Variants in METTL2A observed in about 807,000 individuals in gnomAD.
The protein encoded by METTL2A is methyltransferase 2A, tRNA N3-cytidine, also known as tRNA N(3)-cytidine methyltransferase METTL2A.
A neutral mutation model predicts 49.4 loss-of-function variants in METTL2A; 45 were observed. That is an observed-to-expected ratio of 0.91 (90% CI 0.72 to 1.17). METTL2A has a LOEUF of 1.17. Ranked by LOEUF, METTL2A falls within the 50% of genes most tolerant of loss-of-function variation. The pLI, the probability that METTL2A is intolerant of heterozygous loss-of-function variation, is 0.00. For synonymous variants in METTL2A, 118 were observed against 167.5 expected (o/e 0.70, Z 2.28); for missense variants, 361 against 462.2 (o/e 0.78, Z 2.01).
At chr17:62,436,178 G>A (rs1598033189) in intron 5 of METTL2A, among the ~76,000 whole-genome samples, 1 of 152,204 alleles carries the variant, frequency 6.6e-6, no homozygotes, top group African/African-American at 2.4e-5. Context: ...AGGAGGTGGA[G>A]GTTGCAGTGA....
chr17:62,424,509 G>GT (rs1190305956), intron 2 of METTL2A, among the ~76,000 whole-genome samples, 199 bp downstream of exon 2: 5 of 152,200 alleles, frequency 3.3e-5, no homozygotes, highest in South Asian at 2.1e-4. Context: ...GTCGTAGAGG[G>GT]TTTTTTTATA....
At position 62,452,150 on chromosome 17, in the gene METTL2A, C is replaced by CT; in HGVS notation, c.*3425dup. The stretch of plus-strand genomic sequence containing the variant: ...TCCTTCAGTCTACGGGTTAGGCTTG[C>CT]TTTTGCACCTTTGCATTTTAAGGTA... On this transcript the variant is annotated 3_prime_UTR_variant, in exon 9 of 9. Coordinates refer to ENST00000311506, the MANE Select transcript of METTL2A (RefSeq NM_181725.4). Among the ~76,000 whole-genome samples the CT allele has an allele frequency of 6.6e-6, 1 of 152,326 alleles. No homozygotes were observed. The highest frequency in any genetic ancestry group is 3.4e-3 in the Middle Eastern group (1 of 294).
At chr17:62,427,720 T>C (rs2070637459) in intron 3 of METTL2A, 68 bp from the exon 4 acceptor site, 1 of 1,607,748 alleles carries the variant, frequency 6.2e-7, no homozygotes, top group South Asian at 1.1e-5. Context: ...ATTATTTTTC[T>C]AGCTTTTCTA....
In METTL2A at chr17:62,449,453, G is replaced by C; in HGVS notation, c.*724G>C. The C allele has an allele frequency of 2.2e-6, 1 of 446,870 alleles. No homozygotes were observed. The highest frequency in any genetic ancestry group is 1.6e-5 in the South Asian group (1 of 63,588). The allele number at this position is 446,870 out of a possible 1,614,324, so 27.7% of individuals were successfully genotyped here. ...CCGCCAGGCACGGTGGCTCACACCT[G>C]TAATCCCAGCACTTTGGGAGGCCAA... On this transcript the variant is annotated 3_prime_UTR_variant, in exon 9 of 9. Transcript: ENST00000311506.
intron 4 of METTL2A, among the ~76,000 whole-genome samples, chr17:62,428,171 CCTTCTT>C (rs538928454): frequency 1.0e-3 from 152 of 152,214 alleles, no homozygotes; most frequent in African/African-American, 3.5e-3. Flanking sequence ...ACATTTAGCG[CCTTCTT>C]CTTCTTCTAA....
intron 4 of METTL2A, among the ~76,000 whole-genome samples, chr17:62,434,219 A>G (rs538872357): frequency 5.1e-4 from 77 of 152,324 alleles, no homozygotes; most frequent in Middle Eastern, 6.8e-3. Flanking sequence ...TGTGAAATGT[A>G]TCTAATGGGA....
Position 62,424,249 on chromosome 17 carries a change from CGCG to C in METTL2A, c.149_151del (p.Ala50del). On this transcript the variant is annotated inframe_deletion, in exon 2 of 9. Coordinates refer to ENST00000311506, the MANE Select transcript of METTL2A (RefSeq NM_181725.4). Reference sequence around the variant, plus strand: ...ATGTGGAGTGGTCGGAAGAGCAAGCCGCGGCGGCGGAGAGAAAAGTCCAGGAGA... The same window carrying C: ...ATGTGGAGTGGTCGGAAGAGCAAGCCGCGGCGGAGAGAAAAGTCCAGGAGA... The C allele has an allele frequency of 6.2e-7, 1 of 1,614,102 alleles. No individual in the cohort carries two copies. The highest frequency in any genetic ancestry group is 8.5e-7 in the Non-Finnish European group (1 of 1,179,996).
chr17:62,449,104 T>C lies in METTL2A; in HGVS notation c.*375T>C. On this transcript the variant is annotated 3_prime_UTR_variant, in exon 9 of 9. Transcript: ENST00000311506. ...TTTGAGATCTCAATCTGTCTTAGCATTTTGTAACTAATAACTGAAATTTTA... is the reference window on the plus strand; with the variant it reads ...TTTGAGATCTCAATCTGTCTTAGCACTTTGTAACTAATAACTGAAATTTTA... 4.1e-6 allele frequency: 1 copy of C among 242,608 alleles called. No homozygotes were observed. The allele number at this position is 242,608 out of a possible 1,614,324, so 15.0% of individuals were successfully genotyped here. A position where few individuals can be genotyped will look rare whatever the true frequency, so the allele number is the denominator to read the frequency against.
intron 4 of METTL2A, among the ~76,000 whole-genome samples, chr17:62,430,806 G>A (rs1030339500): frequency 6.6e-6 from 1 of 151,860 alleles, no homozygotes; most frequent in African/African-American, 2.4e-5. Context: ...AGCCTCCCGA[G>A]TAGTTGGGAT....
At chr17:62,438,426 A>T (rs2070715703) in intron 5 of METTL2A, among the ~76,000 whole-genome samples, 1 of 148,154 alleles carries the variant, frequency 6.7e-6, no homozygotes, top group Non-Finnish European at 1.5e-5. Context: ...AAAAAAAAAT[A>T]CAAAAACTGG....
chr17:62,440,133 C>T (rs2070729227), intron 5 of METTL2A, among the ~76,000 whole-genome samples: 2 of 151,334 alleles, frequency 1.3e-5, no homozygotes, highest in Non-Finnish European at 2.9e-5. Context: ...TCAAGCGATT[C>T]TCCTGCCTCA....
At chr17:62,436,009 G>A in intron 5 of METTL2A, among the ~76,000 whole-genome samples, 1 of 152,058 alleles carries the variant, frequency 6.6e-6, no homozygotes, top group Non-Finnish European at 1.5e-5. Flanking sequence ...GCCGGGGTGG[G>A]CAGATCACGA....
At chr17:62,444,018 A>G (rs2070753035) in intron 6 of METTL2A, among the ~76,000 whole-genome samples, 1 of 152,186 alleles carries the variant, frequency 6.6e-6, no homozygotes, top group Non-Finnish European at 1.5e-5. Flanking sequence ...ACACAGACCT[A>G]AGTGTAAAAC....
chr17:62,425,085 G>A (rs1413755878), intron 2 of METTL2A, among the ~76,000 whole-genome samples: 1 of 150,796 alleles, frequency 6.6e-6, no homozygotes, highest in Non-Finnish European at 1.5e-5. Flanking sequence ...TCTTTTTATA[G>A]TTAAAGACAC....
intron 6 of METTL2A, 138 bp from the exon 7 acceptor site, chr17:62,444,699 G>T: frequency 1.3e-6 from 1 of 775,210 alleles, no homozygotes; most frequent in South Asian, 1.7e-5. Context: ...TCTAACTGAA[G>T]CAAGAGTAGA....
At chr17:62,425,538 C>T (rs183938635) in intron 2 of METTL2A, among the ~76,000 whole-genome samples, 9 of 149,978 alleles carry the variant, frequency 6.0e-5, no homozygotes, top group Admixed American at 3.3e-4. Flanking sequence ...AGGTGTGCAC[C>T]ACCACGCCTG....
intron 5 of METTL2A, among the ~76,000 whole-genome samples, chr17:62,439,394 C>T (rs1429262759): frequency 1.1e-4 from 16 of 151,882 alleles, no homozygotes; most frequent in African/African-American, 3.4e-4. Flanking sequence ...CGTGAGCCAC[C>T]GTGCCTAGCA....
intron 4 of METTL2A, among the ~76,000 whole-genome samples, chr17:62,434,459 G>A (rs2070687116): frequency 6.6e-6 from 1 of 152,150 alleles, no homozygotes; most frequent in African/African-American, 2.4e-5. Context: ...GTGCAGAAGA[G>A]TTCTGGGCTG....
At position 62,451,716 on chromosome 17, in the gene METTL2A, AC is replaced by A. The variant is rs1400990769; in HGVS notation, c.*2991del. Reference sequence around the variant, plus strand: ...AGACCAGCCTGACCAACATGGAGAAACCCCGTCTCTACTAAAAATACAAAAT... The same window carrying A: ...AGACCAGCCTGACCAACATGGAGAAACCCGTCTCTACTAAAAATACAAAAT... On this transcript the variant is annotated 3_prime_UTR_variant, in exon 9 of 9. Coordinates refer to ENST00000311506, the MANE Select transcript of METTL2A (RefSeq NM_181725.4). Among the ~76,000 whole-genome samples the A allele has an allele frequency of 2.6e-5, 4 of 151,492 alleles. No individual in the cohort carries two copies. Among genetic ancestry groups the A allele is most frequent in the African/African-American group, 9.7e-5 (4 of 41,240 alleles).
Sources: gnomAD v4.1 joint callset for allele counts (sites outside exome capture counted in the v4.1 genomes callset) on GRCh38, gnomAD v4.1.1 for gene constraint, MANE v1.5 for transcripts, NCBI Gene and HGNC (gene_info 2026-07-23, HGNC 2026-07-21) for gene names.